The following RRN3 variants were observed in gnomAD, a reference collection of about 807,000 sequenced individuals.
The protein encoded by RRN3 is RNA polymerase I transcription factor RRN3.
In RRN3, 38 loss-of-function variants were observed where a neutral mutation model predicts 82.3. The observed-to-expected ratio is 0.46, with a 90% CI of 0.36 to 0.61. The LOEUF is 0.61. Ranked by LOEUF, RRN3 falls within the 20% of genes least tolerant of loss-of-function variation. The probability of loss-of-function intolerance (pLI) is 0.00; values close to 1 mark genes in which losing one functional copy is unlikely to be tolerated. For synonymous variants in RRN3, 284 were observed against 284.3 expected, an observed-to-expected ratio of 1.00 and a Z score of 0.01; for missense variants, 726 against 793.1, an observed-to-expected ratio of 0.92 and a Z score of 1.02.
chr16:15,092,051 TG>T (rs2046152531), intron 2 of RRN3, among the ~76,000 whole-genome samples: 1 of 152,102 alleles, frequency 6.6e-6, no homozygotes, highest in African/African-American at 2.4e-5. Flanking sequence ...TGGTGGTGTG[TG>T]CCTGTAACCC....
At chr16:15,076,178 T>C (rs1221326023) in intron 10 of RRN3, among the ~76,000 whole-genome samples, 1 of 152,126 alleles carries the variant, frequency 6.6e-6, no homozygotes, top group African/African-American at 2.4e-5. Context: ...CTCCTTCCAC[T>C]GAACCCAACT....
chr16:15,067,582 C>A (rs1174424964), intron 15 of RRN3, among the ~76,000 whole-genome samples: 1 of 149,916 alleles, frequency 6.7e-6, no homozygotes, highest in African/African-American at 2.4e-5. Context: ...CAGTTTATTT[C>A]TATTACTATT....
chr16:15,079,876 C>T (rs1446999289), intron 9 of RRN3, 122 bp downstream of exon 9: 18 of 1,157,812 alleles, frequency 1.6e-5, no homozygotes, highest in South Asian at 3.1e-5. Context: ...GGAATACAGG[C>T]GTGAGTCACC....
At chr16:15,071,645 G>C (rs1420098874) in intron 12 of RRN3, among the ~76,000 whole-genome samples, 7 of 152,204 alleles carry the variant, frequency 4.6e-5, no homozygotes, top group Admixed American at 1.3e-4. Flanking sequence ...GCAGGTGCCT[G>C]TAATCCCAGC....
At chr16:15,079,165 G>A (rs577977841) in intron 9 of RRN3, among the ~76,000 whole-genome samples, 45 of 82,664 alleles carry the variant, frequency 5.4e-4, no homozygotes, top group African/African-American at 1.3e-3. Context: ...AATTCCACAG[G>A]GAGCAAAGTT....
chr16:15,083,379 A>G, intron 8 of RRN3, 134 bp downstream of exon 8: 3 of 1,392,232 alleles, frequency 2.2e-6, no homozygotes, highest in Non-Finnish European at 2.9e-6. Context: ...AGCTTGGGCG[A>G]CAGAGTGAGA....
Position 15,068,164 on chromosome 16 carries a change from C to G in RRN3, c.1553+5G>C, listed in dbSNP as rs751293013. ...ACTCCCATCAAGAAAGCGTAAATAA[C>G]TTACTTTGTGATTGCAGCAAAAAAG... On this transcript the variant is annotated splice_donor_5th_base_variant and intron_variant, in intron 15 of 17. Transcript: ENST00000198767. The G allele has an allele frequency of 6.5e-7, 1 of 1,547,844 alleles. No homozygotes were observed. The highest frequency in any genetic ancestry group is 1.4e-5 in the African/African-American group (1 of 71,578).
chr16:15,079,139 G>A (rs1427803367), intron 9 of RRN3, among the ~76,000 whole-genome samples: 1 of 149,148 alleles, frequency 6.7e-6, no homozygotes, highest in Non-Finnish European at 1.5e-5. Context: ...TACCATTAAT[G>A]GCAACACCAA....
At chr16:15,074,633 T>C in intron 11 of RRN3, 90 bp downstream of exon 11, 1 of 905,420 alleles carries the variant, frequency 1.1e-6, no homozygotes, top group Non-Finnish European at 1.6e-6. Flanking sequence ...ACAGGATTTT[T>C]AGTATTACTA....
intron 11 of RRN3, 72 bp from the exon 12 acceptor site, chr16:15,073,152 A>G (rs2045306883): frequency 6.6e-7 from 1 of 1,505,680 alleles, no homozygotes; most frequent in Non-Finnish European, 9.1e-7. Flanking sequence ...TATTTTTTAT[A>G]AACACAACAC....
chr16:15,084,316 T>C (rs2045828516), intron 7 of RRN3, among the ~76,000 whole-genome samples: 1 of 84,372 alleles, frequency 1.2e-5, no homozygotes. Context: ...GTGCAATTTT[T>C]ATTCATATGG....
rs1436335557 is a variant in RRN3 at position 15,060,972 on chromosome 16, C to G, written c.*772G>C. On this transcript the variant is annotated 3_prime_UTR_variant, in exon 18 of 18. Transcript: ENST00000198767. ...CAATCTCATGTGTTTTACACAAGCC[C>G]GAACTCACTTTCAGTCTGTGTGAAT... 1 of 152,232 alleles carries G rather than the reference C, an allele frequency of 6.6e-6. No homozygotes were observed. Among genetic ancestry groups the G allele is most frequent in the African/African-American group, 2.4e-5 (1 of 41,450 alleles). The allele number at this position is 152,232 out of a possible 1,614,324, so 9.4% of individuals were successfully genotyped here. A position where few individuals can be genotyped will look rare whatever the true frequency, so the allele number is the denominator to read the frequency against.
At chr16:15,073,621 A>C (rs1421598481) in intron 11 of RRN3, among the ~76,000 whole-genome samples, 1 of 152,220 alleles carries the variant, frequency 6.6e-6, no homozygotes, top group Admixed American at 6.5e-5. Context: ...AACCCTTCTG[A>C]AGAGCAATTC....
intron 2 of RRN3, among the ~76,000 whole-genome samples, chr16:15,092,128 G>T (rs571265161): frequency 6.6e-6 from 1 of 152,236 alleles, no homozygotes; most frequent in South Asian, 2.1e-4. Context: ...GCAGTGAGCC[G>T]AGGTCACGCC....
intron 10 of RRN3, among the ~76,000 whole-genome samples, chr16:15,075,895 G>T (rs531353964): frequency 6.6e-6 from 1 of 152,212 alleles, no homozygotes; most frequent in East Asian, 1.9e-4. Context: ...CTCCAGAGCT[G>T]CCCTGAGCAG....
At chr16:15,065,447 G>A (rs1235210280) in intron 15 of RRN3, 76 bp from the exon 16 acceptor site, 1 of 1,297,578 alleles carries the variant, frequency 7.7e-7, no homozygotes, top group Non-Finnish European at 1.1e-6. Context: ...AGCTGCGTGT[G>A]ACAACTGTAC....
chr16:15,069,004 T>C (rs1369642700), intron 14 of RRN3, among the ~76,000 whole-genome samples: 1 of 152,204 alleles, frequency 6.6e-6, no homozygotes, highest in African/African-American at 2.4e-5. Flanking sequence ...CATTAATTTA[T>C]ACAAAGAAAA....
chr16:15,066,451 G>A (rs1853042213), intron 15 of RRN3, among the ~76,000 whole-genome samples: 1 of 152,012 alleles, frequency 6.6e-6, no homozygotes, highest in African/African-American at 2.4e-5. Context: ...TGGTCAACAT[G>A]ATGAAACCCC....
At chr16:15,063,866 A>G (rs1016934672) in intron 16 of RRN3, among the ~76,000 whole-genome samples, 15 of 152,170 alleles carry the variant, frequency 9.9e-5, no homozygotes, top group Admixed American at 6.5e-5. Flanking sequence ...AATTGTTTCT[A>G]AACTTTACAA....
Sources: gnomAD v4.1 joint callset for allele counts (sites outside exome capture counted in the v4.1 genomes callset) on GRCh38, gnomAD v4.1.1 for gene constraint, MANE v1.5 for transcripts, NCBI Gene and HGNC (gene_info 2026-07-23, HGNC 2026-07-21) for gene names.